Variants in PLXND1 observed in about 807,000 individuals in gnomAD.
The protein encoded by PLXND1 is plexin-D1.
Under a neutral mutation model 197.7 loss-of-function variants are expected in PLXND1, and 54 were observed. The observed-to-expected ratio is 0.27, with a 90% CI of 0.22 to 0.34. The LOEUF (loss-of-function observed/expected upper bound fraction) is 0.34. Ranked by LOEUF, PLXND1 falls within the 10% of genes least tolerant of loss-of-function variation. The pLI is 1.00. For synonymous variants in PLXND1, 1,180 were observed against 1,161.2 expected, an observed-to-expected ratio of 1.02 and a Z score of -0.33; for missense variants, 2,127 against 2,699.2, an observed-to-expected ratio of 0.79 and a Z score of 4.70.
At chr3:129,574,249 G>C in intron 12 of PLXND1, 87 bp downstream of exon 12, 3 of 1,289,346 alleles carry the variant, frequency 2.3e-6, no homozygotes, top group Non-Finnish European at 2.1e-6. Flanking sequence ...GTGCCGTTTG[G>C]GTCCCCAAGA....
At chr3:129,580,085 A>G (rs2085365220) in intron 8 of PLXND1, among the ~76,000 whole-genome samples, 1 of 152,186 alleles carries the variant, frequency 6.6e-6, no homozygotes, top group African/African-American at 2.4e-5. Context: ...CCCACTTTAC[A>G]GAATAGGAAA....
At chr3:129,593,011 C>T (rs1578354880) in intron 1 of PLXND1, among the ~76,000 whole-genome samples, 1 of 152,320 alleles carries the variant, frequency 6.6e-6, no homozygotes, top group East Asian at 1.9e-4. Context: ...GACCCCAGCA[C>T]CGTCCTCCTT....
At position 129,561,662 on chromosome 3, in the gene PLXND1, G is replaced by T. The variant is rs1169054501; in HGVS notation, c.4977C>A (p.Asp1659Glu). 6.2e-7 allele frequency: 1 copy of T among 1,607,952 alleles called. No homozygotes were observed. Among genetic ancestry groups the T allele is most frequent in the Admixed American group, 1.7e-5 (1 of 59,466 alleles). Residue 1659 changes from aspartate to glutamate, a missense_variant, in exon 29 of 36, where the codon GAC becomes GAA. Physicochemically the swap from Asp to Glu is conservative, Grantham distance 45 (BLOSUM62 2). Coordinates refer to ENST00000324093, the MANE Select transcript of PLXND1 (RefSeq NM_015103.3). ...SLAMSLIDKKDNTLGRVKDLD... is the reference protein window; with the variant it reads ...SLAMSLIDKKENTLGRVKDLD... ...CCGCACTACCTCGGCCCAGTGTGTT[G>T]TCCTTCTTGTCTATGAGACTCATGG...
In PLXND1 at chr3:129,555,489, C is replaced by T. The variant is rs2084960834; in HGVS notation, c.*823G>A. 5 of 680,810 alleles carry T rather than the reference C, an allele frequency of 7.3e-6. No homozygotes were observed. Among genetic ancestry groups the T allele is most frequent in the Non-Finnish European group, 1.3e-5 (5 of 379,534 alleles). The allele number at this position is 680,810 out of a possible 1,614,324, so 42.2% of individuals were successfully genotyped here. ...TCGGGACCCCTCCCCGGGTCCTCTG[C>T]GCAAGCGGCAGCTATTCACAGTTGG... On this transcript the variant is annotated 3_prime_UTR_variant, in exon 36 of 36. Transcript: ENST00000324093.
In PLXND1 at chr3:129,605,697, G is replaced by T; in HGVS notation, c.943C>A (p.Arg315=). 1 of 1,539,024 alleles carries T rather than the reference G, an allele frequency of 6.5e-7. No homozygotes were observed. ...ARAGDKESQA[R]SLLARICLPH... is the part of the protein sequence containing the mutation. The stretch of plus-strand genomic sequence containing the variant: ...AGGCAGATGCGCGCCAGCAGGCTCC[G>T]CGCCTGGCTCTCCTTGTCGCCCGCG... Residue 315 remains arginine, a synonymous_variant, in exon 1 of 36, where the codon CGG becomes AGG. Coordinates refer to ENST00000324093, the MANE Select transcript of PLXND1 (RefSeq NM_015103.3).
chr3:129,570,879 T>C lies in PLXND1; in HGVS notation c.3657A>G (p.Gln1219=). 1 of 1,614,210 alleles carries C rather than the reference T, an allele frequency of 6.2e-7. No individual in the cohort carries two copies. Among genetic ancestry groups the C allele is most frequent in the Non-Finnish European group, 8.5e-7 (1 of 1,180,014 alleles). The change falls in exon 19 of 36, where the codon CAA becomes CAG. Residue 1219 remains glutamine (Q), a synonymous_variant. Transcript: ENST00000324093. ...AGACAATCTGGATGTCGCAGCTTAC[T>C]TGGCCTATCTTGACCCGGTACTCGT... ...QSHEYRVKIG[Q]VSCDIQIVSD... is the part of the protein sequence containing the mutation.
chr3:129,600,202 AG>A (rs1409613742), intron 1 of PLXND1, among the ~76,000 whole-genome samples: 3 of 152,026 alleles, frequency 2.0e-5, no homozygotes, highest in Non-Finnish European at 4.4e-5. Context: ...TGCTGCACCC[AG>A]GCGTCTCACC....
intron 34 of PLXND1, 75 bp from the exon 35 acceptor site, chr3:129,556,766 T>G: frequency 9.4e-7 from 1 of 1,063,938 alleles, no homozygotes; most frequent in Non-Finnish European, 1.4e-6. Flanking sequence ...AGCCAGCTGC[T>G]TGCACACAAT....
intron 25 of PLXND1, 81 bp from the exon 26 acceptor site, chr3:129,563,321 C>T: frequency 8.3e-7 from 1 of 1,209,252 alleles, no homozygotes; most frequent in Non-Finnish European, 1.1e-6. Context: ...CTTCACGCCC[C>T]CGTCCCCCAA....
At position 129,557,244 on chromosome 3, in the gene PLXND1, G is replaced by A; in HGVS notation, c.5446-21C>T. ...GAATCCTGGGCAGAGAAGAGCGAGGGTGTTAGATGGCTGCTGGAGAAAGGA... is the reference window on the plus strand; with the variant it reads ...GAATCCTGGGCAGAGAAGAGCGAGGATGTTAGATGGCTGCTGGAGAAAGGA... On this transcript the variant is annotated intron_variant, in intron 33 of 35. Transcript: ENST00000324093. The surrounding 1 kb of genome is among the most constrained non-coding windows in gnomAD (Gnocchi z 4.8). 1 of 1,613,774 alleles carries A rather than the reference G, an allele frequency of 6.2e-7. No homozygotes were observed. Among genetic ancestry groups the A allele is most frequent in the South Asian group, 1.1e-5 (1 of 91,064 alleles).
intron 23 of PLXND1, 110 bp from the exon 24 acceptor site, chr3:129,566,127 A>C: frequency 2.6e-6 from 3 of 1,133,622 alleles, no homozygotes; most frequent in Non-Finnish European, 2.6e-6. Flanking sequence ...TGGGGAGCTC[A>C]TTACCTTCCA....
rs551293107 is a variant in PLXND1, at chr3:129,557,314, A to G, written c.5446-91T>C. The G allele has an allele frequency of 2.7e-6, 4 of 1,465,762 alleles. No homozygotes were observed. Among genetic ancestry groups the G allele is most frequent in the African/African-American group, 1.4e-5 (1 of 71,840 alleles). 90.8% of individuals were successfully genotyped at this position (1,465,762 alleles called of 1,614,324 possible). On this transcript the variant is annotated intron_variant, in intron 33 of 35. Coordinates refer to ENST00000324093, the MANE Select transcript of PLXND1 (RefSeq NM_015103.3). The surrounding 1 kb of genome is among the most constrained non-coding windows in gnomAD (Gnocchi z 4.8). ...GATGAGCCCTCATCCCTCCTGCCAC[A>G]TAAGTGACCTTAGCAGGCCCCCGAG... is the stretch of plus-strand genomic sequence containing the variant.
In PLXND1 at chr3:129,578,410, G is replaced by A. The variant is rs1270673437; in HGVS notation, c.2265C>T (p.Thr755=). The change falls in exon 9 of 36, where the codon ACC becomes ACT. Residue 755 remains threonine (T), a synonymous_variant. Coordinates refer to ENST00000324093, the MANE Select transcript of PLXND1 (RefSeq NM_015103.3). ...GCACGGGTGCCAGGGGTGAGAGCAG[G>A]GTCCGGGGGCAGTCCTGAGGGCTCT... The part of the protein sequence containing the change: ...NPTSPQDCPR[T]LLSPLAPVPT... 1.1e-5 allele frequency: 17 copies of A among 1,600,468 alleles called. No individual in the cohort carries two copies. The highest frequency in any genetic ancestry group is 6.7e-5 in the East Asian group (3 of 44,454).
chr3:129,567,460 C>T (rs2085157227), intron 22 of PLXND1, 32 bp downstream of exon 22: 2 of 1,333,744 alleles, frequency 1.5e-6, no homozygotes, highest in Non-Finnish European at 2.1e-6. Flanking sequence ...GTGGCTGGCA[C>T]AGGTTCAGGG....
intron 1 of PLXND1, among the ~76,000 whole-genome samples, chr3:129,591,953 C>A (rs1319366326): frequency 6.6e-6 from 1 of 152,128 alleles, no homozygotes; most frequent in Non-Finnish European, 1.5e-5. Flanking sequence ...TCCCGTGGGT[C>A]CCCTCATCTT....
rs2108762815 is a variant in PLXND1, at chr3:129,559,607, C to T, written c.5297+13G>A. ...TGGCACAGTGAAGTCCACACGGCCC[C>T]CCCACCCGCCACCTGTTGGTCTTCC... On this transcript the variant is annotated intron_variant, in intron 32 of 35. Coordinates refer to ENST00000324093, the MANE Select transcript of PLXND1 (RefSeq NM_015103.3). 1 of 1,586,488 alleles carries T rather than the reference C, an allele frequency of 6.3e-7. No individual in the cohort carries two copies. Among genetic ancestry groups the T allele is most frequent in the Middle Eastern group, 1.7e-4 (1 of 5,920 alleles).
intron 8 of PLXND1, chr3:129,578,695 C>A: frequency 2.1e-6 from 1 of 484,400 alleles, no homozygotes; most frequent in East Asian, 3.7e-5. Context: ...GTGGTGGGGC[C>A]AATTTCCTCC....
At chr3:129,572,792 G>A in intron 14 of PLXND1, 44 bp from the exon 15 acceptor site, 1 of 1,611,598 alleles carries the variant, frequency 6.2e-7, no homozygotes. Flanking sequence ...CCAGCCCCCG[G>A]GAGTGTGCGT....
At position 129,585,960 on chromosome 3, in the gene PLXND1, C is replaced by T. The variant is rs748447022; in HGVS notation, c.1843G>A (p.Glu615Lys). ...CCTCCCCCAGGACTCACTGGGTACT[C>T]CTGGCGCACATCGATCTCGGAAGGC... ...VLPSEIDVRQ[E>K]YPGMILQISG... Residue 615 changes from glutamate to lysine, a missense_variant, in exon 5 of 36, where the codon GAG becomes AAG. Transcript: ENST00000324093. 6.2e-7 allele frequency: 1 copy of T among 1,614,082 alleles called. No homozygotes were observed. The highest frequency in any genetic ancestry group is 1.7e-5 in the Admixed American group (1 of 60,036).
Sources: allele counts gnomAD v4.1 joint callset (sites outside exome capture counted in the v4.1 genomes callset), GRCh38; gene constraint gnomAD v4.1.1; non-coding constraint Gnocchi (gnomAD v3.1); transcripts MANE v1.5; gene names NCBI Gene and HGNC (gene_info 2026-07-23, HGNC 2026-07-21).